The following CCDC125 variants were observed in gnomAD, a reference collection of about 807,000 sequenced individuals.
The protein encoded by CCDC125 is coiled-coil domain containing 125, also known as coiled-coil domain-containing protein 125.
A neutral mutation model predicts 57.4 loss-of-function variants in CCDC125; 43 were observed. That is an observed-to-expected ratio of 0.75 (90% confidence interval 0.59 to 0.97). The LOEUF is 0.97. CCDC125 is among the 50% of genes least tolerant of loss of function. The pLI is 0.00. For missense variants in CCDC125, 563 were observed against 595.7 expected, an observed-to-expected ratio of 0.95 and a Z score of 0.57; for synonymous variants, 187 against 195.2, an observed-to-expected ratio of 0.96 and a Z score of 0.35.
At chr5:69,276,511 T>C (rs375154012), downstream of CCDC125, 88 of 1,604,510 alleles carry the variant, frequency 5.5e-5, no homozygotes, top group Non-Finnish European at 7.2e-5. Flanking sequence ...GATACTCACC[T>C]ACCTTACTTT....
intron 4 of CCDC125, chr5:69,308,827 AC>A: frequency 6.2e-6 from 1 of 161,438 alleles, no homozygotes; most frequent in Non-Finnish European, 1.3e-5. Context: ...AGTGTCTTTC[AC>A]AAAAACACTG....
the CCDC125 span, chr5:69,273,089 A>T: frequency 8.0e-7 from 1 of 1,250,910 alleles, no homozygotes; most frequent in Non-Finnish European, 1.1e-6. Context: ...AAATAATCTT[A>T]ACTGTAGCAT....
At chr5:69,325,131 C>T (rs1760564133) in intron 1 of CCDC125, among the ~76,000 whole-genome samples, 1 of 152,016 alleles carries the variant, frequency 6.6e-6, no homozygotes, top group African/African-American at 2.4e-5. Flanking sequence ...CAAGACCTGC[C>T]TGGCCAACAT....
At chr5:69,277,062 TA>T (rs1451170830), downstream of CCDC125, 1 of 1,536,902 alleles carries the variant, frequency 6.5e-7, no homozygotes, top group East Asian at 2.3e-5. Context: ...TGAACTTTGT[TA>T]AATGTGAACA....
intron 9 of CCDC125, among the ~76,000 whole-genome samples, chr5:69,292,909 C>T (rs1027795828): frequency 6.6e-6 from 1 of 150,550 alleles, no homozygotes; most frequent in Non-Finnish European, 1.5e-5. Context: ...GTCGTGATCT[C>T]GGCTCACTGC....
intron 1 of CCDC125, 57 bp from the exon 2 acceptor site, chr5:69,320,637 T>C (rs575081596): frequency 2.0e-5 from 15 of 735,402 alleles, no homozygotes; most frequent in Non-Finnish European, 3.2e-5. Flanking sequence ...CAACCCCACC[T>C]CTCGATATTT....
chr5:69,332,389 T>C (rs1455942536), intron 1 of CCDC125, among the ~76,000 whole-genome samples: 1 of 152,210 alleles, frequency 6.6e-6, no homozygotes, highest in Non-Finnish European at 1.5e-5. Context: ...TTTTTCTGTT[T>C]CAGGATCCAA....
intron 3 of CCDC125, chr5:69,313,689 T>G (rs1580166750): frequency 1.3e-6 from 1 of 760,854 alleles, no homozygotes; most frequent in Admixed American, 1.7e-5. Flanking sequence ...GATGGTCTGG[T>G]CCACATTGCC....
chr5:69,330,691 G>A (rs1761310121), intron 1 of CCDC125, among the ~76,000 whole-genome samples: 1 of 152,040 alleles, frequency 6.6e-6, no homozygotes, highest in African/African-American at 2.4e-5. Flanking sequence ...AAACACTCAG[G>A]AGCAAAACTT....
chr5:69,320,353 G>A lies in CCDC125; in HGVS notation c.188C>T (p.Pro63Leu), dbSNP rs756756625. The part of the protein sequence containing the change: ...DGKNFSPPPF[P>L]RKGEERNEAS... ...TTCATTTCTTTCTTCTCCCTTTCTC[G>A]GAAATGGAGGAGGGCTAAAGTTCTT... Residue 63 changes from proline to leucine, a missense_variant, in exon 2 of 12, where the codon CCG becomes CTG. Coordinates refer to ENST00000396496, the MANE Select transcript of CCDC125 (RefSeq NM_176816.5). 49 of 1,613,586 alleles carry A rather than the reference G, an allele frequency of 3.0e-5. No individual in the cohort carries two copies. Among genetic ancestry groups the A allele is most frequent in the Admixed American group, 1.0e-4 (6 of 59,978 alleles).
At chr5:69,311,512 C>G (rs1439881804) in intron 3 of CCDC125, among the ~76,000 whole-genome samples, 9 of 152,098 alleles carry the variant, frequency 5.9e-5, no homozygotes, top group Admixed American at 1.3e-4. Flanking sequence ...AATTGCTGGG[C>G]GTGGTGGTGC....
At chr5:69,291,326 AT>A (rs1201881962) in intron 10 of CCDC125, among the ~76,000 whole-genome samples, 3 of 151,876 alleles carry the variant, frequency 2.0e-5, no homozygotes, top group Admixed American at 1.3e-4. Context: ...ATTTTAATAT[AT>A]TTTTTAATAC....
At position 69,299,172 on chromosome 5, in the gene CCDC125, C is replaced by T. The variant is rs559752773; in HGVS notation, c.816+840G>A. Among the ~76,000 whole-genome samples the T allele has an allele frequency of 4.9e-4, 74 of 151,008 alleles. 1 individual carries two copies. Among genetic ancestry groups the T allele is most frequent in the Admixed American group, 3.6e-3 (54 of 15,142 alleles). On this transcript the variant is annotated intron_variant, in intron 8 of 11. Coordinates refer to ENST00000396496, the MANE Select transcript of CCDC125 (RefSeq NM_176816.5). The stretch of plus-strand genomic sequence containing the variant: ...TCGCCCAGGCCAGACTGCAGTGGCG[C>T]GATCTCGGCTCACTGCAAGCTCCGC...
chr5:69,316,322 A>G (rs1759094593), intron 2 of CCDC125, among the ~76,000 whole-genome samples: 2 of 152,204 alleles, frequency 1.3e-5, no homozygotes, highest in Admixed American at 1.3e-4. Context: ...TATCCAAGTG[A>G]GTCCAGTGTA....
rs750121668 is a variant in CCDC125 at position 69,292,179 on chromosome 5, CAT to C, written c.1099+7_1099+8del. 6.3e-7 allele frequency: 1 copy of C among 1,599,466 alleles called. No homozygotes were observed. The highest frequency in any genetic ancestry group is 1.3e-5 in the African/African-American group (1 of 74,378). ...ACACCCACTTATTGCCATTATAATT[CAT>C]AGTTACCATCCTCTTTAAGGTGCTT... On this transcript the variant is annotated splice_region_variant and intron_variant, in intron 10 of 11. Coordinates refer to ENST00000396496, the MANE Select transcript of CCDC125 (RefSeq NM_176816.5).
In CCDC125 at chr5:69,285,472, A is replaced by G. The variant is rs750127456; in HGVS notation, c.1100-5T>C. On this transcript the variant is annotated splice_region_variant and splice_polypyrimidine_tract_variant and intron_variant, in intron 10 of 11. Transcript: ENST00000396496. ...TACTCCTTGGTGATGGAAATCCTAA[A>G]ATTGAACATGAGAATCCAGCTGAGA... 1 of 1,590,870 alleles carries G rather than the reference A, an allele frequency of 6.3e-7. No individual in the cohort carries two copies. Among genetic ancestry groups the G allele is most frequent in the Non-Finnish European group, 8.5e-7 (1 of 1,173,366 alleles).
At chr5:69,302,934 T>C (rs1305287537) in intron 7 of CCDC125, among the ~76,000 whole-genome samples, 2 of 151,608 alleles carry the variant, frequency 1.3e-5, no homozygotes, top group Non-Finnish European at 2.9e-5. Context: ...AATTGCTTAA[T>C]AGGTAGGAGA....
chr5:69,288,800 C>G (rs564847992), intron 10 of CCDC125, among the ~76,000 whole-genome samples: 3 of 152,278 alleles, frequency 2.0e-5, no homozygotes, highest in Admixed American at 6.5e-5. Context: ...GGATCTGACT[C>G]TAACTCCAGG....
At chr5:69,328,706 C>T (rs988347076) in intron 1 of CCDC125, among the ~76,000 whole-genome samples, 2 of 151,886 alleles carry the variant, frequency 1.3e-5, no homozygotes, top group African/African-American at 4.8e-5. Context: ...AACAGTACTA[C>T]AAAATCTAAG....
Sources: gnomAD v4.1 joint callset for allele counts (sites outside exome capture counted in the v4.1 genomes callset) on GRCh38, gnomAD v4.1.1 for gene constraint, MANE v1.5 for transcripts, NCBI Gene and HGNC (gene_info 2026-07-23, HGNC 2026-07-21) for gene names.